GATAD2A: variants seen among roughly 807,000 people sequenced by gnomAD.
The protein encoded by GATAD2A is transcriptional repressor p66-alpha.
A neutral mutation model predicts 68.5 loss-of-function variants in GATAD2A; 12 were observed. The observed-to-expected ratio is 0.18, with a 90% CI of 0.11 to 0.28. The LOEUF (loss-of-function observed/expected upper bound fraction) is 0.28. Ranked by LOEUF, GATAD2A falls within the 10% of genes least tolerant of loss-of-function variation. GATAD2A has a pLI of 1.00. For synonymous variants in GATAD2A, 410 were observed against 375.3 expected (o/e 1.09, Z -1.07); for missense variants, 755 against 868.5 (o/e 0.87, Z 1.64).
intron 1 of GATAD2A, among the ~76,000 whole-genome samples, chr19:19,411,267 A>C (rs1331466477): frequency 6.6e-6 from 1 of 151,960 alleles, no homozygotes; most frequent in Non-Finnish European, 1.5e-5. Context: ...TATTTTTTCC[A>C]CTGCCTTGGG....
At chr19:19,465,717 G>C in intron 2 of GATAD2A, 103 bp downstream of exon 2, 1 of 1,372,336 alleles carries the variant, frequency 7.3e-7, no homozygotes, top group Non-Finnish European at 9.8e-7. Flanking sequence ...ACAGCTTGGC[G>C]GGGTTGTGGA....
intron 7 of GATAD2A, among the ~76,000 whole-genome samples, chr19:19,497,361 G>A (rs552050191): frequency 6.6e-6 from 1 of 152,356 alleles, no homozygotes; most frequent in East Asian, 1.9e-4. Flanking sequence ...CTCCCAAAGT[G>A]CTGGGATTAC....
chr19:19,465,334 C>G lies in GATAD2A; in HGVS notation c.-6-6C>G. ...TAAAATGTTGTGTCTTCTCCTCCCT[C>G]CCAAGTTCAGAATGACCGAAGAAGC... On this transcript the variant is annotated splice_polypyrimidine_tract_variant and splice_region_variant and intron_variant, in intron 1 of 11. Coordinates refer to ENST00000683918, the MANE Select transcript of GATAD2A (RefSeq NM_001384528.1). 1.2e-6 allele frequency: 2 copies of G among 1,612,630 alleles called. No homozygotes were observed. Among genetic ancestry groups the G allele is most frequent in the Non-Finnish European group, 8.5e-7 (1 of 1,178,608 alleles).
chr19:19,406,427 G>A (rs1354947099), intron 1 of GATAD2A, among the ~76,000 whole-genome samples: 2 of 151,710 alleles, frequency 1.3e-5, no homozygotes, highest in Non-Finnish European at 2.9e-5. Context: ...GGTCCGGGGC[G>A]GGTTGGGCAG....
At chr19:19,482,511 G>A (rs1035888908) in intron 2 of GATAD2A, among the ~76,000 whole-genome samples, 2 of 152,350 alleles carry the variant, frequency 1.3e-5, no homozygotes, top group African/African-American at 4.8e-5. Flanking sequence ...TCCTGGCACA[G>A]TGAGGGGTCC....
At chr19:19,413,557 G>C (rs2051219995) in intron 1 of GATAD2A, among the ~76,000 whole-genome samples, 1 of 152,086 alleles carries the variant, frequency 6.6e-6, no homozygotes, top group Non-Finnish European at 1.5e-5. Context: ...CTAACCCAGG[G>C]AGAGTTTGCT....
chr19:19,484,617 C>T (rs1166654656), intron 2 of GATAD2A, among the ~76,000 whole-genome samples: 1 of 145,690 alleles, frequency 6.9e-6, no homozygotes, highest in African/African-American at 2.6e-5. Context: ...CCTGCAGGCT[C>T]TGCCCCCCGG....
chr19:19,453,538 C>T (rs984929306), intron 1 of GATAD2A, among the ~76,000 whole-genome samples: 6 of 152,168 alleles, frequency 3.9e-5, no homozygotes, highest in Non-Finnish European at 7.3e-5. Flanking sequence ...CTCCGTTGCC[C>T]AGGCTGGAGT....
intron 1 of GATAD2A, among the ~76,000 whole-genome samples, chr19:19,462,296 T>C (rs1223854805): frequency 6.6e-6 from 1 of 152,182 alleles, no homozygotes; most frequent in African/African-American, 2.4e-5. Context: ...GGAGCAAGTG[T>C]CCTGTGGTGG....
rs1373048253 is a variant in GATAD2A at position 19,438,958 on chromosome 19, C to T, written c.-6-26382C>T. ...GGTTTTCTCCACAAAATGCAAGTTT[C>T]ACCCACTCTTGGGTGTGTCTCACTC... On this transcript the variant is annotated intron_variant, in intron 1 of 11. Coordinates refer to ENST00000683918, the MANE Select transcript of GATAD2A (RefSeq NM_001384528.1). Among the ~76,000 whole-genome samples, 3 of 152,258 alleles carry T rather than the reference C, an allele frequency of 2.0e-5. No individual in the cohort carries two copies. In the East Asian group the frequency reaches 5.8e-4, roughly 29 times the overall value.
chr19:19,433,416 C>T (rs923098668), intron 1 of GATAD2A, among the ~76,000 whole-genome samples: 35 of 152,108 alleles, frequency 2.3e-4, no homozygotes, highest in Admixed American at 1.9e-3. Flanking sequence ...TTTCGTTATT[C>T]TAGGTCCGTT....
intron 2 of GATAD2A, among the ~76,000 whole-genome samples, chr19:19,471,485 G>C (rs1198825204): frequency 6.6e-6 from 1 of 151,950 alleles, no homozygotes; most frequent in Non-Finnish European, 1.5e-5. Flanking sequence ...TTTGAGAGAT[G>C]GAAAGTGACC....
At chr19:19,442,693 C>T (rs965342066) in intron 1 of GATAD2A, among the ~76,000 whole-genome samples, 2 of 150,522 alleles carry the variant, frequency 1.3e-5, no homozygotes, top group Admixed American at 6.6e-5. Flanking sequence ...CTAGCTGTTC[C>T]GGAGGCCAAG....
chr19:19,447,328 CAG>C (rs1266812946), intron 1 of GATAD2A, among the ~76,000 whole-genome samples: 2 of 152,108 alleles, frequency 1.3e-5, no homozygotes, highest in African/African-American at 4.8e-5. Context: ...GGGACGGGCA[CAG>C]GGGTGGCTGG....
In GATAD2A at chr19:19,399,761, T is replaced by G. The variant is rs555759881; in HGVS notation, c.-7+13623T>G. On this transcript the variant is annotated intron_variant, in intron 1 of 11. Coordinates refer to the GATAD2A transcript ENST00000360315. The stretch of plus-strand genomic sequence containing the variant: ...GGGCATTTCACTATAAATGGGGGGT[T>G]TGGGGAGTATACATCCTGTTAGGAA... Among the ~76,000 whole-genome samples the G allele has an allele frequency of 8.5e-5, 13 of 152,232 alleles. 1 individual carries two copies. The South Asian group carries it at 2.7e-3, about 32-fold the overall frequency.
At chr19:19,420,005 C>CTT (rs397859927) in intron 1 of GATAD2A, among the ~76,000 whole-genome samples, 2,636 of 68,670 alleles carry the variant, frequency 0.038, 231 homozygotes, top group Middle Eastern at 0.066. Flanking sequence ...ACCATCTTGA[C>CTT]TTTTTTTTTT....
At chr19:19,487,944 G>C (rs189329483) in intron 2 of GATAD2A, among the ~76,000 whole-genome samples, 1 of 152,290 alleles carries the variant, frequency 6.6e-6, no homozygotes, top group East Asian at 1.9e-4. Context: ...GTGGGAAATG[G>C]TTCTGTGGCT....
At chr19:19,465,708 C>A in intron 2 of GATAD2A, 94 bp downstream of exon 2, 2 of 1,416,314 alleles carry the variant, frequency 1.4e-6, no homozygotes, top group Non-Finnish European at 1.9e-6. Flanking sequence ...CTGTTGGTAA[C>A]AGCTTGGCGG....
chr19:19,457,209 T>C (rs2057012759), intron 1 of GATAD2A: 9 of 985,348 alleles, frequency 9.1e-6, no homozygotes, highest in South Asian at 4.7e-5. Context: ...TTGTACCTGC[T>C]GTCACAGAGC....
Sources: allele counts gnomAD v4.1 joint callset (sites outside exome capture counted in the v4.1 genomes callset), GRCh38; gene constraint gnomAD v4.1.1; transcripts MANE v1.5; gene names NCBI Gene and HGNC (gene_info 2026-07-23, HGNC 2026-07-21).